Variants in TAX1BP1 observed in about 807,000 individuals in gnomAD.
TAX1BP1 encodes the protein tax1-binding protein 1.
TAX1BP1 carries 62 observed loss-of-function variants against 97.7 expected under a neutral mutation model. That is an observed-to-expected ratio of 0.63 (90% CI 0.52 to 0.78). The LOEUF is 0.78. Ranked by LOEUF, TAX1BP1 falls within the 30% of genes least tolerant of loss-of-function variation. The pLI is 0.00. For missense variants in TAX1BP1, 867 were observed against 916.1 expected (o/e 0.95, Z 0.69); for synonymous variants, 340 against 304.2 (o/e 1.12, Z -1.23).
intron 3 of TAX1BP1, among the ~76,000 whole-genome samples, chr7:27,760,575 T>C (rs1184846579): frequency 6.6e-6 from 1 of 151,940 alleles, no homozygotes; most frequent in Non-Finnish European, 1.5e-5. Flanking sequence ...TTTGTATTTT[T>C]AGTAGAGATG....
At chr7:27,785,338 A>G (rs1188101467) in intron 6 of TAX1BP1, 27 bp downstream of exon 6, 4 of 1,588,562 alleles carry the variant, frequency 2.5e-6, no homozygotes, top group African/African-American at 1.4e-5. Flanking sequence ...TAAAAAATAA[A>G]TTCAATAAAA....
At chr7:27,808,217 T>G (rs1790416367) in intron 13 of TAX1BP1, among the ~76,000 whole-genome samples, 1 of 152,146 alleles carries the variant, frequency 6.6e-6, no homozygotes, top group Non-Finnish European at 1.5e-5. Flanking sequence ...TCTCTTTCCC[T>G]CTCTGTATAT....
At chr7:27,771,267 TC>T (rs1236614796) in intron 5 of TAX1BP1, among the ~76,000 whole-genome samples, 5 of 150,450 alleles carry the variant, frequency 3.3e-5, no homozygotes, top group Non-Finnish European at 3.0e-5. Flanking sequence ...TTTTTTTTTT[TC>T]ACTGTATTAC....
chr7:27,760,017 C>G (rs1276696049), intron 3 of TAX1BP1, among the ~76,000 whole-genome samples: 2 of 152,006 alleles, frequency 1.3e-5, no homozygotes, highest in Non-Finnish European at 2.9e-5. Flanking sequence ...CCACGCTTGG[C>G]TGATTTTTGT....
At chr7:27,766,962 C>G (rs1039016100) in intron 4 of TAX1BP1, among the ~76,000 whole-genome samples, 1 of 152,076 alleles carries the variant, frequency 6.6e-6, no homozygotes, top group African/African-American at 2.4e-5. Flanking sequence ...TTACTCCTTA[C>G]TGTTTTTGTA....
intron 2 of TAX1BP1, 25 bp from the exon 3 acceptor site, chr7:27,758,006 C>A (rs369589903): frequency 1.3e-6 from 2 of 1,522,532 alleles, no homozygotes; most frequent in South Asian, 2.3e-5. Context: ...CTTATAAATC[C>A]GCCTTTTTTG....
intron 3 of TAX1BP1, among the ~76,000 whole-genome samples, chr7:27,763,064 C>T (rs557767908): frequency 3.1e-4 from 47 of 152,212 alleles, no homozygotes; most frequent in African/African-American, 1.1e-3. Context: ...CATCTCCGTG[C>T]CTAGAACTTT....
chr7:27,810,434 G>A (rs1216297045), intron 13 of TAX1BP1, among the ~76,000 whole-genome samples: 1 of 152,060 alleles, frequency 6.6e-6, no homozygotes, highest in African/African-American at 2.4e-5. Flanking sequence ...GGTTATTAGT[G>A]CTGATCTGAT....
chr7:27,816,824 T>C (rs1283080634), intron 14 of TAX1BP1, 66 bp from the exon 15 acceptor site: 19 of 1,557,174 alleles, frequency 1.2e-5, no homozygotes, highest in Non-Finnish European at 1.7e-5. Flanking sequence ...GTTCATCATA[T>C]CTGTATATAC....
intron 1 of TAX1BP1, among the ~76,000 whole-genome samples, chr7:27,747,753 G>T (rs1787878530): frequency 6.6e-6 from 1 of 152,002 alleles, no homozygotes; most frequent in African/African-American, 2.4e-5. Flanking sequence ...TTGCATACAG[G>T]ATTGAGATTA....
chr7:27,806,162 T>C (rs1790329758), intron 13 of TAX1BP1, among the ~76,000 whole-genome samples: 1 of 150,836 alleles, frequency 6.6e-6, no homozygotes, highest in African/African-American at 2.4e-5. Flanking sequence ...CTCGACTCAC[T>C]ACAACCTTTG....
chr7:27,801,103 C>CAAAA, intron 13 of TAX1BP1, among the ~76,000 whole-genome samples: 1 of 49,346 alleles, frequency 2.0e-5, no homozygotes, highest in African/African-American at 7.2e-5. Context: ...GACTCCGTCT[C>CAAAA]AAAAAAAAAA....
intron 5 of TAX1BP1, among the ~76,000 whole-genome samples, chr7:27,778,055 G>A (rs1488104415): frequency 1.3e-5 from 2 of 152,078 alleles, no homozygotes; most frequent in Non-Finnish European, 1.5e-5. Flanking sequence ...TGAATTATCT[G>A]GTATTCTAGG....
chr7:27,827,937 A>G (rs778642818), intron 16 of TAX1BP1, 117 bp downstream of exon 16: 40 of 788,600 alleles, frequency 5.1e-5, no homozygotes, highest in Admixed American at 7.1e-5. Flanking sequence ...GCTGAACCAG[A>G]AACACCAGGC....
In TAX1BP1 at chr7:27,785,016, A is replaced by G. The variant is rs2074579; in HGVS notation, c.613-147A>G. ...AATTTAAATATATGTTATCATTTCA[A>G]GTTTTATAGTCTTAGCTTCTCAAAT... On this transcript the variant is annotated intron_variant, in intron 5 of 16. Coordinates refer to ENST00000396319, the MANE Select transcript of TAX1BP1 (RefSeq NM_006024.7). 495,189 of 674,622 alleles carry G rather than the reference A, an allele frequency of 0.73. 184,826 individuals are homozygous for G. The highest frequency in any genetic ancestry group is 0.95 in the African/African-American group (50,902 of 53,688). 41.8% of individuals were successfully genotyped at this position (674,622 alleles called of 1,614,324 possible). A position where few individuals can be genotyped will look rare whatever the true frequency, so the allele number is the denominator to read the frequency against.
chr7:27,769,626 A>G, intron 4 of TAX1BP1, 50 bp from the exon 5 acceptor site: 6 of 1,446,000 alleles, frequency 4.1e-6, no homozygotes, highest in Non-Finnish European at 5.6e-6. Flanking sequence ...GTAATAACAT[A>G]TTTTAGGATT....
intron 3 of TAX1BP1, among the ~76,000 whole-genome samples, chr7:27,762,549 A>G (rs1263364358): frequency 2.0e-5 from 3 of 152,228 alleles, no homozygotes; most frequent in Non-Finnish European, 1.5e-5. Context: ...AATTTATTCA[A>G]TTTGTTATAG....
At chr7:27,742,301 C>T (rs986801483) in intron 1 of TAX1BP1, among the ~76,000 whole-genome samples, 2 of 152,256 alleles carry the variant, frequency 1.3e-5, no homozygotes, top group Middle Eastern at 6.8e-3. Flanking sequence ...CCTGGCTTTC[C>T]TAGGCAGAGG....
intron 8 of TAX1BP1, among the ~76,000 whole-genome samples, chr7:27,791,771 T>C (rs1426111827): frequency 6.6e-6 from 1 of 152,194 alleles, no homozygotes; most frequent in South Asian, 2.1e-4. Flanking sequence ...CGCTGTACTT[T>C]AGCTTCCTTG....
Sources: gnomAD v4.1 joint callset for allele counts (sites outside exome capture counted in the v4.1 genomes callset) on GRCh38, gnomAD v4.1.1 for gene constraint, MANE v1.5 for transcripts, NCBI Gene and HGNC (gene_info 2026-07-23, HGNC 2026-07-21) for gene names.